Variants in PLCH1 observed in about 807,000 individuals in gnomAD.
The protein encoded by PLCH1 is phospholipase C eta 1.
A neutral mutation model predicts 126.7 loss-of-function variants in PLCH1; 60 were observed. That is an observed-to-expected ratio of 0.47 (90% CI 0.38 to 0.59). The LOEUF (loss-of-function observed/expected upper bound fraction) is 0.59, where lower values mean the gene tolerates loss of function less well. Among genes scored for constraint, PLCH1 ranks in the 20% least tolerant of loss-of-function variants. PLCH1 has a pLI of 0.00. For synonymous variants in PLCH1, 719 were observed against 734.9 expected (o/e 0.98, Z 0.35); for missense variants, 1,723 against 2,040.0 (o/e 0.84, Z 2.99).
intron 2 of PLCH1, among the ~76,000 whole-genome samples, chr3:155,696,641 G>T (rs2015945): frequency 0.57 from 87,215 of 152,066 alleles, 27,540 homozygotes; most frequent in African/African-American, 0.84. Flanking sequence ...ATAATTCTCA[G>T]AAGTAACCAC....
At chr3:155,588,015 AATGT>A (rs1212747640) in intron 4 of PLCH1, among the ~76,000 whole-genome samples, 4 of 152,192 alleles carry the variant, frequency 2.6e-5, no homozygotes, top group African/African-American at 9.6e-5. Flanking sequence ...TGGGAGAATG[AATGT>A]ATATCAGAGG....
intron 10 of PLCH1, among the ~76,000 whole-genome samples, chr3:155,539,813 C>T (rs1723972131): frequency 6.6e-6 from 1 of 152,070 alleles, no homozygotes; most frequent in African/African-American, 2.4e-5. Flanking sequence ...AACCATACTG[C>T]CAAAAGCAAT....
chr3:155,569,124 T>A (rs1263678758), intron 6 of PLCH1, among the ~76,000 whole-genome samples: 1 of 152,166 alleles, frequency 6.6e-6, no homozygotes, highest in Admixed American at 6.5e-5. Context: ...GAACAATATA[T>A]GCTGAGTGTC....
intron 2 of PLCH1, among the ~76,000 whole-genome samples, chr3:155,674,675 C>G (rs2108996364): frequency 6.6e-6 from 1 of 152,214 alleles, no homozygotes; most frequent in East Asian, 1.9e-4. Flanking sequence ...TGAAAAATCT[C>G]TGGTAAGACA....
intron 5 of PLCH1, 144 bp from the exon 6 acceptor site, chr3:155,583,786 A>G (rs1037128199): frequency 1.4e-5 from 8 of 559,394 alleles, no homozygotes; most frequent in Middle Eastern, 4.6e-4. Flanking sequence ...CATTCTCTTC[A>G]AGCACACATG....
chr3:155,583,445 A>G (rs1022951845), intron 6 of PLCH1, 27 bp downstream of exon 6: 5 of 1,535,676 alleles, frequency 3.3e-6, no homozygotes, highest in Non-Finnish European at 4.4e-6. Context: ...TTTTAAGTAA[A>G]CTTTCATTTT....
At chr3:155,494,756 C>G (rs1359808147) in intron 15 of PLCH1, among the ~76,000 whole-genome samples, 1 of 152,184 alleles carries the variant, frequency 6.6e-6, no homozygotes, top group Non-Finnish European at 1.5e-5. Context: ...AAGTAGCTGT[C>G]TATTTCTGGG....
intron 2 of PLCH1, among the ~76,000 whole-genome samples, chr3:155,631,001 T>C (rs983048918): frequency 6.6e-6 from 1 of 152,304 alleles, no homozygotes; most frequent in Admixed American, 6.5e-5. Context: ...CAGAAACTAC[T>C]TCTAATTTTT....
intron 14 of PLCH1, 76 bp downstream of exon 14, chr3:155,500,627 C>A: frequency 2.3e-6 from 2 of 868,718 alleles, no homozygotes; most frequent in South Asian, 2.9e-5. Context: ...TAGACATGTA[C>A]AAGAAAAATG....
intron 2 of PLCH1, among the ~76,000 whole-genome samples, chr3:155,652,724 A>G (rs916553127): frequency 1.3e-5 from 2 of 152,150 alleles, no homozygotes; most frequent in Non-Finnish European, 2.9e-5. Context: ...AGCACAAGCC[A>G]TTGGCTCTGA....
At chr3:155,560,725 C>G (rs1421392917) in intron 8 of PLCH1, among the ~76,000 whole-genome samples, 2 of 152,190 alleles carry the variant, frequency 1.3e-5, no homozygotes, top group African/African-American at 4.8e-5. Context: ...CATTGCCCTG[C>G]ACTTTCCACC....
intron 6 of PLCH1, among the ~76,000 whole-genome samples, chr3:155,572,180 G>A (rs547534133): frequency 1.3e-5 from 2 of 152,176 alleles, no homozygotes; most frequent in Admixed American, 6.5e-5. Context: ...CTTTTGCTCT[G>A]ACTTTACTCT....
At chr3:155,484,090 G>T (rs1412997914) in intron 22 of PLCH1, among the ~76,000 whole-genome samples, 1 of 151,946 alleles carries the variant, frequency 6.6e-6, no homozygotes, top group Non-Finnish European at 1.5e-5. Context: ...TTTGTAGTCT[G>T]CTTTTTCTGT....
intron 2 of PLCH1, among the ~76,000 whole-genome samples, chr3:155,673,809 T>C (rs1743802794): frequency 6.6e-6 from 1 of 152,208 alleles, no homozygotes; most frequent in Non-Finnish European, 1.5e-5. Flanking sequence ...TGCTGGCATG[T>C]AGGCTATACT....
At chr3:155,583,685 A>G (rs1482667169) in intron 5 of PLCH1, 43 bp from the exon 6 acceptor site, 1 of 1,406,862 alleles carries the variant, frequency 7.1e-7, no homozygotes, top group East Asian at 2.4e-5. Flanking sequence ...GAAAGTTAGA[A>G]ATAGGAAATT....
chr3:155,660,994 C>A (rs553587971), intron 2 of PLCH1, among the ~76,000 whole-genome samples: 1 of 152,300 alleles, frequency 6.6e-6, no homozygotes, highest in African/African-American at 2.4e-5. Flanking sequence ...GAAGAACTGG[C>A]ATATTTAGAA....
Position 155,611,947 on chromosome 3 carries a change from T to G in PLCH1, c.80-15569A>C, listed in dbSNP as rs1056363934. Among the ~76,000 whole-genome samples, 4 of 152,098 alleles carry G rather than the reference T, an allele frequency of 2.6e-5. No individual in the cohort carries two copies. In the East Asian group the frequency reaches 7.7e-4, roughly 29 times the overall value. On this transcript the variant is annotated intron_variant, in intron 2 of 22. Transcript: ENST00000460012. ...TCAACAATAAAATCCAGGTGGAAAT[T>G]TAAAAATTATTTGAACTGAACAATA... is the stretch of plus-strand genomic sequence containing the variant.
intron 2 of PLCH1, among the ~76,000 whole-genome samples, chr3:155,632,998 G>A (rs564204520): frequency 6.6e-6 from 1 of 152,136 alleles, no homozygotes; most frequent in Non-Finnish European, 1.5e-5. Flanking sequence ...GTCAGTGGTT[G>A]ACCATAACGT....
At chr3:155,694,367 C>T (rs747281670) in intron 2 of PLCH1, among the ~76,000 whole-genome samples, 4 of 152,222 alleles carry the variant, frequency 2.6e-5, no homozygotes, top group Non-Finnish European at 4.4e-5. Context: ...TTCCAATGCA[C>T]AGCCAAGGCT....
Sources: gnomAD v4.1 joint callset for allele counts (sites outside exome capture counted in the v4.1 genomes callset) on GRCh38, gnomAD v4.1.1 for gene constraint, MANE v1.5 for transcripts, NCBI Gene and HGNC (gene_info 2026-07-23, HGNC 2026-07-21) for gene names.